CALN1: variants seen among roughly 807,000 people sequenced by gnomAD.
CALN1 encodes calcium-binding protein 8.
A neutral mutation model predicts 30.6 loss-of-function variants in CALN1; 17 were observed. That is an observed-to-expected ratio of 0.56 (90% CI 0.38 to 0.83). The LOEUF (loss-of-function observed/expected upper bound fraction) is 0.83. Among genes scored for constraint, CALN1 ranks in the 40% least tolerant of loss-of-function variants. CALN1 has a pLI of 0.00. For missense variants in CALN1, 291 were observed against 354.9 expected, an observed-to-expected ratio of 0.82 and a Z score of 1.45; for synonymous variants, 156 against 131.4, an observed-to-expected ratio of 1.19 and a Z score of -1.28.
intron 5 of CALN1, among the ~76,000 whole-genome samples, chr7:71,932,709 G>A (rs768166420): frequency 1.3e-5 from 2 of 151,428 alleles, no homozygotes; most frequent in Admixed American, 6.6e-5. Flanking sequence ...CCAGCTACTC[G>A]GGAGGCTGAG....
chr7:72,238,805 A>G (rs1400263226), intron 3 of CALN1, among the ~76,000 whole-genome samples: 1 of 152,186 alleles, frequency 6.6e-6, no homozygotes, highest in Admixed American at 6.5e-5. Context: ...ACTGTAAGTC[A>G]ATTAAACCTC....
the CALN1 span, among the ~76,000 whole-genome samples, chr7:72,500,177 G>A: frequency 1.3e-5 from 2 of 148,896 alleles, no homozygotes; most frequent in Non-Finnish European, 3.0e-5. Context: ...CTCCCAAAGT[G>A]CTGGGATTAC....
At chr7:72,028,249 A>AG (rs757551858) in intron 4 of CALN1, among the ~76,000 whole-genome samples, 20 of 148,422 alleles carry the variant, frequency 1.3e-4, no homozygotes, top group Non-Finnish European at 2.5e-4. Context: ...TGCACCTTCA[A>AG]GGTAGCAAGA....
At chr7:71,976,597 T>C (rs1449138306) in intron 5 of CALN1, among the ~76,000 whole-genome samples, 1 of 152,224 alleles carries the variant, frequency 6.6e-6, no homozygotes, top group Non-Finnish European at 1.5e-5. Context: ...CTTTGATCCT[T>C]ATCCTATTGA....
intron 3 of CALN1, among the ~76,000 whole-genome samples, chr7:72,140,336 AAGGAAGGGAGGGAGGGAGGG>A (rs1809822724): frequency 2.6e-5 from 2 of 76,738 alleles, no homozygotes; most frequent in Admixed American, 1.6e-4. Context: ...AGGGAGAAGG[AAGGAAGGGAGGGAGGGAGGG>A]AGGGAGGGAG....
At chr7:72,503,494 C>A in the CALN1 span, among the ~76,000 whole-genome samples, 1 of 152,190 alleles carries the variant, frequency 6.6e-6, no homozygotes, top group African/African-American at 2.4e-5. Flanking sequence ...GAAATACCTG[C>A]AGCCTTCCGG....
intron 5 of CALN1, among the ~76,000 whole-genome samples, chr7:71,898,017 G>GA (rs1252116728): frequency 9.8e-4 from 76 of 77,278 alleles, no homozygotes; most frequent in Middle Eastern, 5.9e-3. Flanking sequence ...GGGAGGGGGG[G>GA]GGAGAGAGAG....
chr7:72,386,271 C>A (rs919509106), intron 2 of CALN1, among the ~76,000 whole-genome samples: 1 of 152,058 alleles, frequency 6.6e-6, no homozygotes, highest in Non-Finnish European at 1.5e-5. Context: ...TCCATGGAAT[C>A]CCAGGATGGA....
chr7:72,111,456 T>C (rs1025056839), intron 3 of CALN1, among the ~76,000 whole-genome samples: 6 of 152,160 alleles, frequency 3.9e-5, no homozygotes, highest in African/African-American at 1.4e-4. Context: ...CTCATTATGC[T>C]GGTAACTTAT....
In CALN1 at chr7:72,270,709, A is replaced by G. The variant is rs1252112662; in HGVS notation, c.244+7977T>C. 7.2e-5 allele frequency among the ~76,000 whole-genome samples: 11 copies of G among 152,358 alleles called. No homozygotes were observed. In the East Asian group the frequency reaches 1.9e-3, roughly 27 times the overall value. On this transcript the variant is annotated intron_variant, in intron 3 of 6. Transcript: ENST00000395275. ...AGCATCGCTTGAGATCAGGAGGTCA[A>G]TGCTACAGTGAGCCATGTTTGTGCC...
chr7:72,194,288 G>A (rs765917906), intron 3 of CALN1, among the ~76,000 whole-genome samples: 67 of 152,144 alleles, frequency 4.4e-4, no homozygotes, highest in Non-Finnish European at 7.1e-4. Context: ...CCAGCACTTC[G>A]GGAGGCCGAG....
At chr7:72,163,978 T>TA (rs1394020080) in intron 3 of CALN1, among the ~76,000 whole-genome samples, 2 of 150,858 alleles carry the variant, frequency 1.3e-5, no homozygotes, top group African/African-American at 4.9e-5. Flanking sequence ...AGAAAGGAGA[T>TA]AAAAGATCAA....
chr7:71,841,826 C>T (rs1252060620), intron 5 of CALN1, among the ~76,000 whole-genome samples: 2 of 151,900 alleles, frequency 1.3e-5, no homozygotes, highest in African/African-American at 4.8e-5. Flanking sequence ...AAAATGCCAG[C>T]AATAAACACT....
chr7:71,784,588 C>A lies in CALN1; in HGVS notation c.*3187G>T. 2.6e-6 allele frequency: 1 copy of A among 378,522 alleles called. No homozygotes were observed. Among genetic ancestry groups the A allele is most frequent in the Non-Finnish European group, 4.7e-6 (1 of 214,104 alleles). 23.4% of individuals were successfully genotyped at this position (378,522 alleles called of 1,614,324 possible). A position where few individuals can be genotyped will look rare whatever the true frequency, so the allele number is the denominator to read the frequency against. On this transcript the variant is annotated 3_prime_UTR_variant, in exon 7 of 7. Transcript: ENST00000395275. ...TCAAGGGGGTCAGGGTCCATTTCCC[C>A]TTCTCTCCCAAGGAAAATGCCTTCT...
At chr7:72,370,644 G>T (rs997344261) in intron 2 of CALN1, among the ~76,000 whole-genome samples, 1 of 145,560 alleles carries the variant, frequency 6.9e-6, no homozygotes, top group African/African-American at 2.5e-5. Context: ...GTGACAGAGC[G>T]AGACTCCGTC....
intron 5 of CALN1, among the ~76,000 whole-genome samples, chr7:71,895,314 TTTTC>T (rs1793477116): frequency 6.7e-6 from 1 of 148,264 alleles, no homozygotes; most frequent in African/African-American, 2.5e-5. Context: ...ATTTTCTCTC[TTTTC>T]TTTTTTTTTG....
At chr7:72,306,682 C>T (rs1294640595) in intron 2 of CALN1, among the ~76,000 whole-genome samples, 2 of 151,834 alleles carry the variant, frequency 1.3e-5, no homozygotes, top group African/African-American at 2.4e-5. Flanking sequence ...TTAAATTTAC[C>T]TATAGCCTAG....
intron 3 of CALN1, among the ~76,000 whole-genome samples, chr7:72,137,265 A>G (rs1391806887): frequency 6.6e-6 from 1 of 152,178 alleles, no homozygotes; most frequent in African/African-American, 2.4e-5. Flanking sequence ...TTATGCTGAC[A>G]TTAGCCATTA....
intron 2 of CALN1, among the ~76,000 whole-genome samples, chr7:72,390,419 A>G (rs2129561357): frequency 6.6e-6 from 1 of 152,302 alleles, no homozygotes; most frequent in African/African-American, 2.4e-5. Context: ...TGACAGTGCA[A>G]GACTCTGTCT....
Sources: gnomAD v4.1 joint callset for allele counts (sites outside exome capture counted in the v4.1 genomes callset) on GRCh38, gnomAD v4.1.1 for gene constraint, MANE v1.5 for transcripts, NCBI Gene and HGNC (gene_info 2026-07-23, HGNC 2026-07-21) for gene names.